The following ZNF790 variants were observed in gnomAD, a reference collection of about 807,000 sequenced individuals.
ZNF790 encodes the protein zinc finger protein 790.
Under a neutral mutation model 12.1 loss-of-function variants are expected in ZNF790, and 8 were observed. The observed-to-expected ratio is 0.66, with a 90% CI of 0.39 to 1.19. The LOEUF (loss-of-function observed/expected upper bound fraction) is 1.19. ZNF790 is among the 50% of genes most tolerant of loss of function. The probability of loss-of-function intolerance (pLI) is 0.01; values close to 1 mark genes in which losing one functional copy is unlikely to be tolerated. For synonymous variants in ZNF790, 252 were observed against 244.3 expected, an observed-to-expected ratio of 1.03 and a Z score of -0.29; for missense variants, 707 against 752.2, an observed-to-expected ratio of 0.94 and a Z score of 0.70.
chr19:36,848,886 C>T (rs1473162674), intron 1 of ZNF790, among the ~76,000 whole-genome samples: 3 of 152,086 alleles, frequency 2.0e-5, no homozygotes, highest in African/African-American at 4.8e-5. Flanking sequence ...CTCTGTCTGC[C>T]GGGTTCAAGC....
upstream of ZNF790, among the ~76,000 whole-genome samples, chr19:36,841,980 C>T (rs2072133947): frequency 1.3e-5 from 2 of 152,062 alleles, no homozygotes; most frequent in African/African-American, 2.4e-5. Flanking sequence ...TCCCAAAGTG[C>T]TTGGATTACA....
At position 36,817,983 on chromosome 19, in the gene ZNF790, C is replaced by T. The variant is rs12461265; in HGVS notation, c.*450G>A. The T allele has an allele frequency of 5.3e-3, 813 of 153,020 alleles. 23 individuals carry two copies. The highest frequency in any genetic ancestry group is 0.039 in the Admixed American group (596 of 15,420). The allele number at this position is 153,020 out of a possible 1,614,324, so 9.5% of individuals were successfully genotyped here. A position where few individuals can be genotyped will look rare whatever the true frequency, so the allele number is the denominator to read the frequency against. ...GACTACAGGCGTGTGCTACCACGCC[C>T]GGCTAATTTTTGTATATTTAGTAGA... On this transcript the variant is annotated 3_prime_UTR_variant, in exon 5 of 5. Coordinates refer to ENST00000356725, the MANE Select transcript of ZNF790 (RefSeq NM_206894.4).
At position 36,818,803 on chromosome 19, in the gene ZNF790, G is replaced by A; in HGVS notation, c.1541C>T (p.Ala514Val). The A allele has an allele frequency of 6.2e-7, 1 of 1,611,890 alleles. No individual in the cohort carries two copies. The highest frequency in any genetic ancestry group is 2.2e-5 in the East Asian group (1 of 44,838). ...AGTAAGTTGTGAACCCCAGAGAAAG[G>A]CTTTTCCACATTCTTCACATTCATA... The part of the protein sequence containing the change: ...RPYECEECGK[A>V]FLWGSQLTRH... The change falls in exon 5 of 5, where the codon GCC becomes GTC. Residue 514 changes from alanine to valine, a missense_variant. Transcript: ENST00000356725.
upstream of ZNF790, among the ~76,000 whole-genome samples, chr19:36,842,349 AATATT>A (rs774309454): frequency 3.8e-4 from 58 of 152,314 alleles, no homozygotes; most frequent in Non-Finnish European, 6.9e-4. Context: ...ACCAGGAAAA[AATATT>A]ATAAAATGTG....
chr19:36,843,059 T>A (rs985116779), upstream of ZNF790, among the ~76,000 whole-genome samples: 1 of 151,116 alleles, frequency 6.6e-6, no homozygotes, highest in African/African-American at 2.4e-5. Flanking sequence ...AGGAATAGCG[T>A]AGTCAAGACT....
rs879386735 is a variant in ZNF790 at position 36,838,121 on chromosome 19, CACACACAT to C, written c.-74+208_-74+215del. 11,043 of 100,706 alleles carry C rather than the reference CACACACAT, an allele frequency of 0.11. 793 individuals carry two copies. Among genetic ancestry groups the C allele is most frequent in the African/African-American group, 0.23 (7,886 of 34,442 alleles). The allele number at this position is 100,706 out of a possible 1,614,324, so 6.2% of individuals were successfully genotyped here. A position where few individuals can be genotyped will look rare whatever the true frequency, so the allele number is the denominator to read the frequency against. The stretch of plus-strand genomic sequence containing the variant: ...GCGCGTGCGCGCACACACACACACA[CACACACAT>C]ACACACACACACACACAAGCTCCCG... On this transcript the variant is annotated intron_variant, in intron 1 of 4. Transcript: ENST00000356725. This position sits in a 1 kb window ranked among gnomAD's most constrained non-coding sequence, Gnocchi z 4.4.
chr19:36,825,611 A>T lies in ZNF790; in HGVS notation c.9T>A (p.His3Gln). 6.2e-7 allele frequency: 1 copy of T among 1,614,118 alleles called. No homozygotes were observed. Among genetic ancestry groups the T allele is most frequent in the Non-Finnish European group, 8.5e-7 (1 of 1,179,948 alleles). The change falls in exon 2 of 5, where the codon CAT becomes CAA. Residue 3 changes from histidine to glutamine, a missense_variant and splice_region_variant. By Grantham distance (24) the His-to-Gln change is conservative. Coordinates refer to ENST00000356725, the MANE Select transcript of ZNF790 (RefSeq NM_206894.4). MA[H>Q]LMMFRDVAVD... ...TTGGAGAGAGGCAATTCCAACTCACATGGGCCATGACTTAACATTCCAAGT... is the reference window on the plus strand; with the variant it reads ...TTGGAGAGAGGCAATTCCAACTCACTTGGGCCATGACTTAACATTCCAAGT...
In ZNF790 at chr19:36,818,984, C is replaced by A; in HGVS notation, c.1360G>T (p.Glu454Ter). 2 of 1,613,812 alleles carry A rather than the reference C, an allele frequency of 1.2e-6. No individual in the cohort carries two copies. The highest frequency in any genetic ancestry group is 1.1e-5 in the South Asian group (1 of 91,056). Residue 454 changes from glutamate (E) to a stop codon, truncating the protein, a stop_gained, in exon 5 of 5, where the codon GAA becomes TAA. Coordinates refer to ENST00000356725, the MANE Select transcript of ZNF790 (RefSeq NM_206894.4). LOFTEE classifies it low-confidence loss of function (END_TRUNC). ...CCATGAAGAAAGGTCTTTCCACATTCCTTACATTCATAGGATTTCCTCTCA... is the reference window on the plus strand; with the variant it reads ...CCATGAAGAAAGGTCTTTCCACATTACTTACATTCATAGGATTTCCTCTCA... Reference protein sequence around the residue: ...HNERKSYECKECGKTFLHGSE... With the variant: ...HNERKSYECK
chr19:36,845,411 C>CAA (rs34007492), intron 1 of ZNF790, among the ~76,000 whole-genome samples: 2,681 of 125,380 alleles, frequency 0.021, 44 homozygotes, highest in Non-Finnish European at 0.034. Flanking sequence ...TCCCTGTTTC[C>CAA]AAAAAAAAAA....
At position 36,826,644 on chromosome 19, in the gene ZNF790, T is replaced by TTA. The variant is rs550919673; in HGVS notation, c.-73-954_-73-953dup. Among the ~76,000 whole-genome samples, 97 of 145,906 alleles carry TTA rather than the reference T, an allele frequency of 6.6e-4. 1 individual carries two copies. In the East Asian group the frequency reaches 0.013, roughly 20 times the overall value. On this transcript the variant is annotated intron_variant, in intron 1 of 4. Coordinates refer to ENST00000356725, the MANE Select transcript of ZNF790 (RefSeq NM_206894.4). Reference sequence around the variant, plus strand: ...TCTATAATTATATATATAATAAAAATTATATATATATATGCCTCTCTGAAT... The same window carrying TTA: ...TCTATAATTATATATATAATAAAAATTATATATATATATATGCCTCTCTGAAT...
At chr19:36,834,385 G>C (rs962190666) in intron 1 of ZNF790, among the ~76,000 whole-genome samples, 1 of 151,814 alleles carries the variant, frequency 6.6e-6, no homozygotes, top group Admixed American at 6.6e-5. Context: ...TGAAAGACAA[G>C]TTTCCCAACA....
intron 1 of ZNF790, among the ~76,000 whole-genome samples, chr19:36,843,941 A>G (rs1201847291): frequency 6.9e-6 from 1 of 145,730 alleles, no homozygotes; most frequent in Admixed American, 7.1e-5. Context: ...CCAGAGGTGG[A>G]GGGTGCAGTG....
chr19:36,839,410 G>T (rs2072109045), upstream of ZNF790, among the ~76,000 whole-genome samples: 2 of 151,782 alleles, frequency 1.3e-5, no homozygotes, highest in Admixed American at 6.6e-5. Context: ...TTTGTTTGTT[G>T]TTTTTTTTGA....
At chr19:36,830,251 G>T (rs972549932) in intron 1 of ZNF790, among the ~76,000 whole-genome samples, 1 of 151,972 alleles carries the variant, frequency 6.6e-6, no homozygotes, top group African/African-American at 2.4e-5. Context: ...ATCATAAAGG[G>T]TATTGGCTCT....
chr19:36,826,416 C>G (rs2071800161), intron 1 of ZNF790, among the ~76,000 whole-genome samples: 1 of 151,756 alleles, frequency 6.6e-6, no homozygotes, highest in South Asian at 2.1e-4. Flanking sequence ...AACCCCGTCT[C>G]TACTAAAAAT....
At chr19:36,836,390 A>C (rs1625762) in intron 1 of ZNF790, among the ~76,000 whole-genome samples, 11,900 of 151,920 alleles carry the variant, frequency 0.078, 1,392 homozygotes, top group African/African-American at 0.25. Context: ...TATTGAAGAG[A>C]CCTTGAGCTA....
intron 1 of ZNF790, among the ~76,000 whole-genome samples, chr19:36,834,302 G>A (rs1354707022): frequency 6.8e-6 from 1 of 147,464 alleles, no homozygotes; most frequent in Non-Finnish European, 1.5e-5. Flanking sequence ...TACGCTAGGA[G>A]ACGATATATA....
chr19:36,841,400 G>A (rs1001496850), upstream of ZNF790, among the ~76,000 whole-genome samples: 3 of 151,996 alleles, frequency 2.0e-5, no homozygotes, highest in East Asian at 1.9e-4. Context: ...CAGGTGGATC[G>A]CATGAGGTCA....
chr19:36,842,331 A>G (rs1363889118), upstream of ZNF790, among the ~76,000 whole-genome samples: 1 of 152,196 alleles, frequency 6.6e-6, no homozygotes, highest in African/African-American at 2.4e-5. Flanking sequence ...GGAAATAAAA[A>G]GATAGATACC....
Sources: gnomAD v4.1 joint callset for allele counts (sites outside exome capture counted in the v4.1 genomes callset) on GRCh38, gnomAD v4.1.1 for gene constraint, Gnocchi (gnomAD v3.1) non-coding constraint, MANE v1.5 for transcripts, NCBI Gene and HGNC (gene_info 2026-07-23, HGNC 2026-07-21) for gene names.